Variants in ZBTB7C observed in about 807,000 individuals in gnomAD.
The protein encoded by ZBTB7C is zinc finger and BTB domain containing 7C, also known as zinc finger and BTB domain-containing protein 7C.
Under a neutral mutation model 25.7 loss-of-function variants are expected in ZBTB7C, and 8 were observed. The ratio of observed to expected loss-of-function variants is 0.31; its 90% confidence interval spans 0.18 to 0.56. ZBTB7C has a LOEUF of 0.56. Among genes scored for constraint, ZBTB7C ranks in the 20% least tolerant of loss-of-function variants. The probability of loss-of-function intolerance (pLI) is 0.91; values close to 1 mark genes in which losing one functional copy is unlikely to be tolerated. For synonymous variants in ZBTB7C, 394 were observed against 369.0 expected, an observed-to-expected ratio of 1.07 and a Z score of -0.78; for missense variants, 824 against 855.2, an observed-to-expected ratio of 0.96 and a Z score of 0.46.
At chr18:48,155,029 CA>C (rs371746882) in intron 3 of ZBTB7C, among the ~76,000 whole-genome samples, 51 of 152,316 alleles carry the variant, frequency 3.3e-4, no homozygotes, top group African/African-American at 1.0e-3. Flanking sequence ...ACTGAATTCT[CA>C]TTAGCAGTCC....
intron 3 of ZBTB7C, among the ~76,000 whole-genome samples, chr18:48,067,387 C>G (rs2037372169): frequency 6.6e-6 from 1 of 152,180 alleles, no homozygotes; most frequent in African/African-American, 2.4e-5. Flanking sequence ...AATGGTTAAT[C>G]TTACATGTCA....
intron 1 of ZBTB7C, among the ~76,000 whole-genome samples, chr18:48,391,559 A>G (rs1447045394): frequency 6.7e-6 from 1 of 148,360 alleles, no homozygotes; most frequent in Non-Finnish European, 1.5e-5. Context: ...TTAACGAATT[A>G]CCATGTTCAC....
chr18:48,349,211 A>G (rs2046808836), intron 1 of ZBTB7C, among the ~76,000 whole-genome samples: 1 of 152,194 alleles, frequency 6.6e-6, no homozygotes, highest in African/African-American at 2.4e-5. Context: ...GGGAGGGAGG[A>G]CTAAAGGAGG....
intron 3 of ZBTB7C, among the ~76,000 whole-genome samples, chr18:48,089,707 T>C (rs2038337332): frequency 6.6e-6 from 1 of 152,158 alleles, no homozygotes; most frequent in Non-Finnish European, 1.5e-5. Context: ...CACCAGATGC[T>C]TCTGGTTCAA....
At chr18:48,342,299 T>G (rs1223121595) in intron 1 of ZBTB7C, among the ~76,000 whole-genome samples, 1 of 152,230 alleles carries the variant, frequency 6.6e-6, no homozygotes, top group Non-Finnish European at 1.5e-5. Context: ...AGAGCCCAAG[T>G]GGGACTGATG....
chr18:48,360,185 C>T (rs1258918554), intron 1 of ZBTB7C, among the ~76,000 whole-genome samples: 1 of 152,240 alleles, frequency 6.6e-6, no homozygotes, highest in African/African-American at 2.4e-5. Flanking sequence ...AACAATATGA[C>T]ACTAAATGGA....
chr18:48,067,539 C>T (rs72918193), intron 3 of ZBTB7C, among the ~76,000 whole-genome samples: 25,581 of 152,060 alleles, frequency 0.17, 2,376 homozygotes, highest in Admixed American at 0.26. Flanking sequence ...GGGCCTCATC[C>T]AATCAGCTGA....
chr18:48,252,113 G>A (rs1270970049), intron 2 of ZBTB7C: 1 of 152,142 alleles, frequency 6.6e-6, no homozygotes, highest in African/African-American at 2.4e-5. Flanking sequence ...ATAAATTAAT[G>A]AAAGAACAAA....
rs184309956 is a variant in ZBTB7C, at chr18:48,287,831, G to C, written c.-79+50343C>G. Among the ~76,000 whole-genome samples, 5 of 152,192 alleles carry C rather than the reference G, an allele frequency of 3.3e-5. No homozygotes were observed. In the East Asian group the frequency reaches 9.6e-4, roughly 29 times the overall value. ...TAATCATATAGTCATCTTATAAGAG[G>C]GTAAGGGAGACACCTGATAAAATGT... On this transcript the variant is annotated intron_variant, in intron 2 of 4. Transcript: ENST00000590800.
intron 2 of ZBTB7C, among the ~76,000 whole-genome samples, chr18:48,234,341 A>G (rs77304272): frequency 0.05 from 7,680 of 152,272 alleles, 267 homozygotes; most frequent in Non-Finnish European, 0.075. Flanking sequence ...TTAATAAAAA[A>G]TAAGACACAC....
At chr18:48,338,997 A>G (rs939589317) in intron 1 of ZBTB7C, among the ~76,000 whole-genome samples, 27 of 152,204 alleles carry the variant, frequency 1.8e-4, no homozygotes, top group Admixed American at 1.7e-3. Context: ...GTGAGAGACA[A>G]AAGTGGAAAC....
At chr18:48,075,027 A>G (rs1056087131) in intron 3 of ZBTB7C, among the ~76,000 whole-genome samples, 4 of 152,214 alleles carry the variant, frequency 2.6e-5, no homozygotes, top group Non-Finnish European at 4.4e-5. Flanking sequence ...AAAATAGGTC[A>G]TCTATCAAAG....
intron 3 of ZBTB7C, among the ~76,000 whole-genome samples, chr18:48,047,047 C>T (rs2036501960): frequency 6.6e-6 from 1 of 152,134 alleles, no homozygotes; most frequent in African/African-American, 2.4e-5. Flanking sequence ...GCTGTTTTTC[C>T]AGGCAGGAGA....
chr18:48,388,676 G>A (rs2047806919), intron 1 of ZBTB7C, among the ~76,000 whole-genome samples: 1 of 152,146 alleles, frequency 6.6e-6, no homozygotes, highest in Non-Finnish European at 1.5e-5. Flanking sequence ...TTGAGCCCAG[G>A]AGGTCAAAGC....
chr18:48,353,661 C>T (rs2046912695), intron 1 of ZBTB7C, among the ~76,000 whole-genome samples: 1 of 152,140 alleles, frequency 6.6e-6, no homozygotes, highest in South Asian at 2.1e-4. Context: ...TTCTCAGGGC[C>T]TTTCTGGGGG....
chr18:48,037,735 G>C (rs533238810), intron 4 of ZBTB7C, among the ~76,000 whole-genome samples: 11 of 152,362 alleles, frequency 7.2e-5, no homozygotes, highest in African/African-American at 2.6e-4. Flanking sequence ...CCTGAAGGGA[G>C]AGGTGCTCCT....
intron 2 of ZBTB7C, among the ~76,000 whole-genome samples, chr18:48,251,881 G>T (rs1355924070): frequency 1.3e-5 from 2 of 152,074 alleles, no homozygotes; most frequent in Non-Finnish European, 2.9e-5. Flanking sequence ...CTCTCTGCAG[G>T]AGAGAGAGCT....
chr18:48,332,199 CT>C lies in ZBTB7C; in HGVS notation c.-79+5974del, dbSNP rs369188138. 5.9e-4 allele frequency among the ~76,000 whole-genome samples: 90 copies of C among 152,320 alleles called. 1 individual carries two copies. The highest frequency in any genetic ancestry group is 2.0e-3 in the African/African-American group (85 of 41,568). ...ATAACAATTCCCTCTTCCCCATCCC[CT>C]TTTCCCCCTGAACATCAGTCATGTT... On this transcript the variant is annotated intron_variant, in intron 2 of 4. Transcript: ENST00000590800.
intron 2 of ZBTB7C, chr18:48,252,521 C>T (rs1346359752): frequency 6.6e-6 from 1 of 152,238 alleles, no homozygotes; most frequent in Non-Finnish European, 1.5e-5. Flanking sequence ...CTCCTCTCTC[C>T]CTGCCTTCAC....
Sources: allele counts gnomAD v4.1 joint callset (sites outside exome capture counted in the v4.1 genomes callset), GRCh38; gene constraint gnomAD v4.1.1; transcripts MANE v1.5; gene names NCBI Gene and HGNC (gene_info 2026-07-23, HGNC 2026-07-21).